TNS3: variants seen among roughly 807,000 people sequenced by gnomAD.
TNS3 encodes the protein tensin 3.
TNS3 carries 45 observed loss-of-function variants against 140.9 expected under a neutral mutation model. The ratio of observed to expected loss-of-function variants is 0.32; its 90% CI spans 0.25 to 0.41. The LOEUF is 0.41. Among genes scored for constraint, TNS3 ranks in the 10% least tolerant of loss-of-function variants. The pLI, the probability that TNS3 is intolerant of heterozygous loss-of-function variation, is 1.00. For missense variants in TNS3, 1,716 were observed against 1,906.7 expected, an observed-to-expected ratio of 0.90 and a Z score of 1.86; for synonymous variants, 815 against 788.4, an observed-to-expected ratio of 1.03 and a Z score of -0.56.
intron 10 of TNS3, among the ~76,000 whole-genome samples, chr7:47,415,821 A>G (rs1794050502): frequency 6.6e-6 from 1 of 152,258 alleles, no homozygotes; most frequent in Non-Finnish European, 1.5e-5. Context: ...TCTGAGTTCT[A>G]GGAGTCGGCC....
At position 47,396,816 on chromosome 7, in the gene TNS3, G is replaced by A. The variant is rs767966062; in HGVS notation, c.1008C>T (p.Leu336=). The A allele has an allele frequency of 1.9e-6, 3 of 1,613,880 alleles. No homozygotes were observed. Among genetic ancestry groups the A allele is most frequent in the East Asian group, 2.2e-5 (1 of 44,882 alleles). ...CACACGCACCTTCTCCATCTGCACTGAGGTTCTCGTACGAGTCCCAGCGTA... is the reference window on the plus strand; with the variant it reads ...CACACGCACCTTCTCCATCTGCACTAAGGTTCTCGTACGAGTCCCAGCGTA... ...PLIRWDSYEN[L]SADGEVLHTQ... The change falls in exon 16 of 31, where the codon CTC becomes CTT. Residue 336 remains leucine (L), a synonymous_variant. Transcript: ENST00000311160.
chr7:47,436,601 GAAAAAATTTTAAAAATTTTTTAAA>G (rs1224613978), intron 7 of TNS3, among the ~76,000 whole-genome samples: 1 of 151,890 alleles, frequency 6.6e-6, no homozygotes, highest in African/African-American at 2.4e-5. Flanking sequence ...AGTAAAATTT[GAAAAAATTTTAAAAATTTTTTAAA>G]AAATGAAAAT....
At chr7:47,481,249 CTCT>C in intron 3 of TNS3, 108 bp from the exon 4 acceptor site, 1 of 802,874 alleles carries the variant, frequency 1.2e-6, no homozygotes. Flanking sequence ...TCTAACCTCA[CTCT>C]GGCTACAAAG....
rs572073319 is a variant in TNS3 at position 47,428,931 on chromosome 7, C to T, written c.325-555G>A. Among the ~76,000 whole-genome samples the T allele has an allele frequency of 2.0e-5, 3 of 152,276 alleles. No individual in the cohort carries two copies. In the East Asian group the frequency reaches 5.8e-4, roughly 29 times the overall value. On this transcript the variant is annotated intron_variant, in intron 8 of 30. Coordinates refer to ENST00000311160, the MANE Select transcript of TNS3 (RefSeq NM_022748.12). Reference sequence around the variant, plus strand: ...GTTCTGGAAAAGGACTCACTCAAACCATAACCACAGACACCAACAGCCCAG... The same window carrying T: ...GTTCTGGAAAAGGACTCACTCAAACTATAACCACAGACACCAACAGCCCAG...
chr7:47,453,003 T>C, intron 4 of TNS3: 4 of 985,548 alleles, frequency 4.1e-6, no homozygotes, highest in Non-Finnish European at 4.8e-6. Context: ...CTCCTACGTT[T>C]CGCTCCTTCC....
chr7:47,501,822 G>C (rs978633590), intron 3 of TNS3, among the ~76,000 whole-genome samples: 3 of 152,168 alleles, frequency 2.0e-5, no homozygotes, highest in South Asian at 2.1e-4. Context: ...GAGCCTTCAT[G>C]GGGAAGAAGA....
Position 47,346,184 on chromosome 7 carries a change from T to C in TNS3, c.2451+3A>G. ...GAAACTGGGACCTGGCTGTGGCACA[T>C]ACCTCTTTGACGTCCGCTGGTGAGG... On this transcript the variant is annotated splice_donor_region_variant and intron_variant, in intron 18 of 30. Coordinates refer to ENST00000311160, the MANE Select transcript of TNS3 (RefSeq NM_022748.12). 1 of 1,613,672 alleles carries C rather than the reference T, an allele frequency of 6.2e-7. No individual in the cohort carries two copies. The highest frequency in any genetic ancestry group is 8.5e-7 in the Non-Finnish European group (1 of 1,179,648).
chr7:47,363,446 C>T (rs1790510828), intron 17 of TNS3, among the ~76,000 whole-genome samples: 1 of 152,194 alleles, frequency 6.6e-6, no homozygotes, highest in Non-Finnish European at 1.5e-5. Flanking sequence ...ATGCAGGATG[C>T]ACAGAAGTCC....
intron 17 of TNS3, among the ~76,000 whole-genome samples, chr7:47,363,485 C>G (rs1020150652): frequency 2.0e-5 from 3 of 152,168 alleles, no homozygotes; most frequent in African/African-American, 7.2e-5. Context: ...AATGCTATTC[C>G]CAACTCTCTA....
intron 1 of TNS3, among the ~76,000 whole-genome samples, chr7:47,531,714 G>A (rs1799409661): frequency 6.6e-6 from 1 of 152,242 alleles, no homozygotes; most frequent in East Asian, 1.9e-4. Context: ...CCATCACGCT[G>A]GCTGCAGCAG....
intron 28 of TNS3, among the ~76,000 whole-genome samples, chr7:47,281,412 T>A (rs766223787): frequency 5.3e-5 from 8 of 152,174 alleles, no homozygotes; most frequent in Non-Finnish European, 1.2e-4. Flanking sequence ...GGCTTTGGGG[T>A]CACCCCTCTC....
At chr7:47,353,350 C>A (rs1305715530) in intron 17 of TNS3, among the ~76,000 whole-genome samples, 1 of 152,188 alleles carries the variant, frequency 6.6e-6, no homozygotes, top group African/African-American at 2.4e-5. Context: ...AGCCCTGGCG[C>A]TGAGGCACTG....
intron 1 of TNS3, among the ~76,000 whole-genome samples, chr7:47,531,027 A>G (rs920878593): frequency 1.3e-5 from 2 of 151,638 alleles, no homozygotes; most frequent in East Asian, 3.9e-4. Flanking sequence ...TTTAAAAAAT[A>G]TAAGTGAGAA....
chr7:47,361,594 C>T (rs76169726), intron 17 of TNS3, among the ~76,000 whole-genome samples: 2,218 of 152,312 alleles, frequency 0.015, 55 homozygotes, highest in African/African-American at 0.047. Context: ...AATCCTAAAG[C>T]GCTCTTCCAG....
At chr7:47,380,374 G>GTT (rs1278277721) in intron 16 of TNS3, among the ~76,000 whole-genome samples, 1 of 152,216 alleles carries the variant, frequency 6.6e-6, no homozygotes, top group East Asian at 1.9e-4. Context: ...AGGAGGTCCT[G>GTT]TTGGCCTTAT....
intron 18 of TNS3, among the ~76,000 whole-genome samples, chr7:47,345,564 G>T (rs949023544): frequency 6.6e-6 from 1 of 152,144 alleles, no homozygotes; most frequent in Non-Finnish European, 1.5e-5. Context: ...TTGCCAACTT[G>T]AAAAGAAATC....
At chr7:47,533,672 C>T (rs334514) in intron 1 of TNS3, among the ~76,000 whole-genome samples, 45,754 of 151,872 alleles carry the variant, frequency 0.3, 7,549 homozygotes, top group East Asian at 0.47. Flanking sequence ...CTTGAATTCC[C>T]ATGTGTTGTG....
At chr7:47,449,815 A>T (rs969639234) in intron 4 of TNS3, among the ~76,000 whole-genome samples, 13 of 152,198 alleles carry the variant, frequency 8.5e-5, no homozygotes, top group Non-Finnish European at 1.8e-4. Flanking sequence ...CATGTTGGCC[A>T]GGCTGGTCTT....
chr7:47,448,156 T>C (rs998793171), intron 4 of TNS3, among the ~76,000 whole-genome samples: 2 of 152,290 alleles, frequency 1.3e-5, no homozygotes, highest in East Asian at 3.9e-4. Flanking sequence ...ATCAACACCA[T>C]GGCCACCACC....
Sources: gnomAD v4.1 joint callset for allele counts (sites outside exome capture counted in the v4.1 genomes callset) on GRCh38, gnomAD v4.1.1 for gene constraint, MANE v1.5 for transcripts, NCBI Gene and HGNC (gene_info 2026-07-23, HGNC 2026-07-21) for gene names.